Variants in OPCML observed in about 807,000 individuals in gnomAD.
OPCML encodes opioid binding protein/cell adhesion molecule like.
A neutral mutation model predicts 37.8 loss-of-function variants in OPCML; 13 were observed. The observed-to-expected ratio is 0.34, with a 90% CI of 0.22 to 0.55. OPCML has a LOEUF of 0.55. Ranked by LOEUF, OPCML falls within the 20% of genes least tolerant of loss-of-function variation. The probability of loss-of-function intolerance (pLI) is 0.91; values close to 1 mark genes in which losing one functional copy is unlikely to be tolerated. For missense variants in OPCML, 341 were observed against 435.6 expected (o/e 0.78, Z 1.93); for synonymous variants, 176 against 168.8 (o/e 1.04, Z -0.33).
intron 1 of OPCML, among the ~76,000 whole-genome samples, chr11:132,961,320 G>T (rs986242033): frequency 6.6e-6 from 1 of 152,084 alleles, no homozygotes; most frequent in African/African-American, 2.4e-5. Flanking sequence ...TTAAAAAAAA[G>T]TACATTTTAA....
Position 133,090,044 on chromosome 11 carries a change from T to G in OPCML, c.62-147034A>C, listed in dbSNP as rs114841278. Reference sequence around the variant, plus strand: ...AAGGACTGTCTCCTTGATGAAACTTTAGTCTCCTCTGAATCCTCTTCTCTA... The same window carrying G: ...AAGGACTGTCTCCTTGATGAAACTTGAGTCTCCTCTGAATCCTCTTCTCTA... On this transcript the variant is annotated intron_variant, in intron 1 of 7. Coordinates refer to ENST00000524381, the MANE Select transcript of OPCML (RefSeq NM_001012393.5). 2.0e-3 allele frequency among the ~76,000 whole-genome samples: 312 copies of G among 152,302 alleles called. 6 individuals carry two copies. The highest frequency in any genetic ancestry group is 6.9e-3 in the African/African-American group (288 of 41,570).
At chr11:132,873,004 C>G (rs888764563) in intron 2 of OPCML, among the ~76,000 whole-genome samples, 1 of 152,010 alleles carries the variant, frequency 6.6e-6, no homozygotes, top group Non-Finnish European at 1.5e-5. Context: ...CAAGGAAATG[C>G]AAGCCCTGCT....
At position 132,423,196 on chromosome 11, in the gene OPCML, TC is replaced by T. The variant is rs2095966066; in HGVS notation, c.917-2904del. ...ACCGAACACTCTAGTCCCTAAAGTT[TC>T]CCTTTTGCAGCCCCATTTTCTATGT... On this transcript the variant is annotated intron_variant, in intron 7 of 7. Transcript: ENST00000524381. Among the ~76,000 whole-genome samples, 4 of 152,330 alleles carry T rather than the reference TC, an allele frequency of 2.6e-5. No individual in the cohort carries two copies. In the South Asian group the frequency reaches 8.3e-4, roughly 32 times the overall value.
At chr11:133,162,221 C>T (rs1950152977) in intron 1 of OPCML, among the ~76,000 whole-genome samples, 1 of 152,008 alleles carries the variant, frequency 6.6e-6, no homozygotes, top group African/African-American at 2.4e-5. Flanking sequence ...AAAGAACTCT[C>T]ACTAAAGGGG....
At chr11:132,465,086 T>G (rs1188562128) in intron 4 of OPCML, among the ~76,000 whole-genome samples, 1 of 152,230 alleles carries the variant, frequency 6.6e-6, no homozygotes, top group African/African-American at 2.4e-5. Flanking sequence ...CACATTCTTT[T>G]TATGGGCTAC....
At chr11:133,269,546 C>T (rs1941761012) in intron 1 of OPCML, among the ~76,000 whole-genome samples, 1 of 152,178 alleles carries the variant, frequency 6.6e-6, no homozygotes, top group Admixed American at 6.5e-5. Context: ...TTGACACAGA[C>T]TGAACTTTAT....
intron 3 of OPCML, among the ~76,000 whole-genome samples, chr11:132,645,199 C>T (rs1941082103): frequency 6.6e-6 from 1 of 152,212 alleles, no homozygotes; most frequent in African/African-American, 2.4e-5. Context: ...TAAGGTTTCA[C>T]TAAGAACTTC....
At chr11:132,670,345 A>G (rs1475767223) in intron 2 of OPCML, among the ~76,000 whole-genome samples, 3 of 152,110 alleles carry the variant, frequency 2.0e-5, no homozygotes, top group African/African-American at 7.2e-5. Context: ...CCCTACAAAT[A>G]CCTGCCTACA....
At chr11:132,621,241 C>T (rs1480216834) in intron 3 of OPCML, among the ~76,000 whole-genome samples, 1 of 152,214 alleles carries the variant, frequency 6.6e-6, no homozygotes, top group Admixed American at 6.5e-5. Flanking sequence ...AGAAAACTGT[C>T]TGGTAATTTC....
intron 1 of OPCML, among the ~76,000 whole-genome samples, chr11:133,144,217 T>C (rs1949865282): frequency 6.6e-6 from 1 of 152,186 alleles, no homozygotes; most frequent in Non-Finnish European, 1.5e-5. Flanking sequence ...TGCGCTCTCT[T>C]CCCAGGGCTG....
At position 133,212,241 on chromosome 11, in the gene OPCML, G is replaced by A. The variant is rs947429678; in HGVS notation, c.62-269231C>T. 4.6e-5 allele frequency among the ~76,000 whole-genome samples: 7 copies of A among 152,188 alleles called. No homozygotes were observed. The highest frequency in any genetic ancestry group is 1.9e-4 in the East Asian group (1 of 5,178). On this transcript the variant is annotated intron_variant, in intron 1 of 7. Transcript: ENST00000524381. This position sits in a 1 kb window ranked among gnomAD's most constrained non-coding sequence, Gnocchi z 4.9. ...AGCAATTTTTCCTGCCCACCACCCCGATAGGTGCACAAAGTCCTCCTAATA... is the reference window on the plus strand; with the variant it reads ...AGCAATTTTTCCTGCCCACCACCCCAATAGGTGCACAAAGTCCTCCTAATA...
At chr11:133,214,919 AC>A (rs1407140143) in intron 1 of OPCML, among the ~76,000 whole-genome samples, 1 of 151,964 alleles carries the variant, frequency 6.6e-6, no homozygotes, top group African/African-American at 2.4e-5. Context: ...GCAATCTCTG[AC>A]CCCTCGTTGG....
At chr11:132,891,719 A>T (rs1347199257) in intron 2 of OPCML, among the ~76,000 whole-genome samples, 1 of 152,268 alleles carries the variant, frequency 6.6e-6, no homozygotes, top group Non-Finnish European at 1.5e-5. Flanking sequence ...CAAATGAATG[A>T]ATGTATAAAT....
chr11:132,999,413 CA>C (rs1235953932), intron 1 of OPCML, among the ~76,000 whole-genome samples: 1 of 151,954 alleles, frequency 6.6e-6, no homozygotes, highest in Non-Finnish European at 1.5e-5. Flanking sequence ...GTGGTAAATA[CA>C]TTATTAAGAA....
Position 132,730,023 on chromosome 11 carries a change from T to G in OPCML, c.147-72704A>C, listed in dbSNP as rs967078122. Among the ~76,000 whole-genome samples, 17 of 144,778 alleles carry G rather than the reference T, an allele frequency of 1.2e-4. No individual in the cohort carries two copies. In the South Asian group the frequency reaches 4.0e-3, roughly 34 times the overall value. 95.0% of individuals were successfully genotyped at this position (144,778 alleles called of 152,430 possible). ...TTCTATGTGACTTTTTTTTTTTTTT[T>G]TTTTTTTTGAGACAGAGTCTTGCTC... On this transcript the variant is annotated intron_variant, in intron 2 of 7. Transcript: ENST00000524381.
At chr11:133,374,292 G>C (rs1252244036) in intron 1 of OPCML, among the ~76,000 whole-genome samples, 1 of 152,194 alleles carries the variant, frequency 6.6e-6, no homozygotes, top group Non-Finnish European at 1.5e-5. Context: ...CTAGTGTCTG[G>C]AAATAGAATG....
chr11:132,501,840 G>A (rs1338270029), intron 4 of OPCML, among the ~76,000 whole-genome samples: 4 of 152,164 alleles, frequency 2.6e-5, no homozygotes, highest in Admixed American at 2.0e-4. Context: ...TGGTCTTAGC[G>A]ATGGGGAAGG....
chr11:133,144,150 C>T (rs1227777969), intron 1 of OPCML, among the ~76,000 whole-genome samples: 4 of 152,254 alleles, frequency 2.6e-5, no homozygotes, highest in African/African-American at 9.6e-5. Flanking sequence ...TCTTTCACGA[C>T]GAATGCTTCA....
At chr11:132,699,292 G>T (rs1388851043) in intron 2 of OPCML, among the ~76,000 whole-genome samples, 1 of 152,034 alleles carries the variant, frequency 6.6e-6, no homozygotes, top group Non-Finnish European at 1.5e-5. Context: ...TATGTCATCT[G>T]CAAACGGAGA....
Sources: gnomAD v4.1 joint callset for allele counts (sites outside exome capture counted in the v4.1 genomes callset) on GRCh38, gnomAD v4.1.1 for gene constraint, Gnocchi (gnomAD v3.1) non-coding constraint, MANE v1.5 for transcripts, NCBI Gene and HGNC (gene_info 2026-07-23, HGNC 2026-07-21) for gene names.